Variants in MGAT5 observed in about 807,000 individuals in gnomAD.
MGAT5 encodes alpha-1,6-mannosylglycoprotein 6-beta-N-acetylglucosaminyltransferase, also known as alpha-1,6-mannosylglycoprotein 6-beta-N-acetylglucosaminyltransferase A.
In MGAT5, 30 loss-of-function variants were observed where a neutral mutation model predicts 94.3. The observed-to-expected ratio is 0.32, with a 90% CI of 0.24 to 0.43. The LOEUF (loss-of-function observed/expected upper bound fraction) is 0.43. Among genes scored for constraint, MGAT5 ranks in the 20% least tolerant of loss-of-function variants. The pLI is 1.00. For missense variants in MGAT5, 691 were observed against 905.5 expected (o/e 0.76, Z 3.04); for synonymous variants, 310 against 322.9 (o/e 0.96, Z 0.43).
intron 1 of MGAT5, among the ~76,000 whole-genome samples, chr2:134,219,270 C>T (rs1191405342): frequency 6.6e-6 from 1 of 152,054 alleles, no homozygotes; most frequent in African/African-American, 2.4e-5. Flanking sequence ...AGGTGGGCAA[C>T]AAGGCTTGTG....
intron 9 of MGAT5, among the ~76,000 whole-genome samples, chr2:134,361,461 T>G (rs1680095241): frequency 6.6e-6 from 1 of 152,238 alleles, no homozygotes; most frequent in African/African-American, 2.4e-5. Flanking sequence ...ATTTTCTGAT[T>G]GTCACTTGCT....
At chr2:134,405,345 GAGTAGAGTAT>G (rs777233881) in intron 11 of MGAT5, among the ~76,000 whole-genome samples, 12 of 152,188 alleles carry the variant, frequency 7.9e-5, no homozygotes, top group Non-Finnish European at 1.8e-4. Context: ...CCTGCTCCTT[GAGTAGAGTAT>G]ATTAAAATAC....
intron 12 of MGAT5, among the ~76,000 whole-genome samples, chr2:134,415,195 C>CT (rs1367507990): frequency 6.6e-6 from 1 of 152,150 alleles, no homozygotes; most frequent in African/African-American, 2.4e-5. Flanking sequence ...CCTCCATTTT[C>CT]TTTTTCATTT....
chr2:134,331,841 A>G (rs1367252861), intron 4 of MGAT5, among the ~76,000 whole-genome samples: 1 of 152,130 alleles, frequency 6.6e-6, no homozygotes, highest in Non-Finnish European at 1.5e-5. Context: ...GGTGGTGGGT[A>G]GGATTCCAAC....
intron 1 of MGAT5, among the ~76,000 whole-genome samples, chr2:134,235,452 G>A (rs1681590140): frequency 6.6e-6 from 1 of 152,110 alleles, no homozygotes; most frequent in African/African-American, 2.4e-5. Context: ...TGAGAAACGA[G>A]TACCTCAGCT....
chr2:134,266,799 A>G (rs957641214), intron 1 of MGAT5, among the ~76,000 whole-genome samples: 2 of 152,184 alleles, frequency 1.3e-5, no homozygotes, highest in African/African-American at 4.8e-5. Flanking sequence ...GCTGCTTTGA[A>G]ATGGTGACTC....
intron 1 of MGAT5, among the ~76,000 whole-genome samples, chr2:134,229,210 A>C (rs748981697): frequency 4.6e-5 from 7 of 152,256 alleles, no homozygotes; most frequent in Non-Finnish European, 7.3e-5. Context: ...AATCTAATGC[A>C]ACCTTCTAGG....
intron 2 of MGAT5, among the ~76,000 whole-genome samples, chr2:134,313,122 C>T (rs1286984729): frequency 6.6e-6 from 1 of 151,256 alleles, no homozygotes. Flanking sequence ...TTCTTTGTCC[C>T]TTTCGCTTCT....
intron 1 of MGAT5, among the ~76,000 whole-genome samples, chr2:134,121,220 G>A (rs1685570948): frequency 6.6e-6 from 1 of 152,228 alleles, no homozygotes; most frequent in African/African-American, 2.4e-5. Context: ...GATTGGGGGC[G>A]TGGGTGTTAG....
chr2:134,356,292 C>A lies in MGAT5; in HGVS notation c.1247-5983C>A, dbSNP rs1391913125. 1.2e-3 allele frequency among the ~76,000 whole-genome samples: 180 copies of A among 152,216 alleles called. 1 individual carries two copies. The highest frequency in any genetic ancestry group is 3.4e-4 in the Non-Finnish European group (23 of 68,010). ...AGGTGTTTAGAACTTTCCCATTTCA[C>A]CTTCCACTTCTTTGATTTTTTTTTT... On this transcript the variant is annotated intron_variant, in intron 9 of 15. Coordinates refer to ENST00000281923, the MANE Select transcript of MGAT5 (RefSeq NM_002410.5).
chr2:134,158,157 C>G (rs766139955), intron 1 of MGAT5, among the ~76,000 whole-genome samples: 1 of 152,242 alleles, frequency 6.6e-6, no homozygotes, highest in Non-Finnish European at 1.5e-5. Flanking sequence ...GCCTGGCCCC[C>G]AGGCCTCAGG....
chr2:134,146,435 CTA>C (rs1686923693), intron 1 of MGAT5, among the ~76,000 whole-genome samples: 1 of 151,880 alleles, frequency 6.6e-6, no homozygotes, highest in African/African-American at 2.4e-5. Context: ...TGTCATGAGC[CTA>C]TAGTGCTAGT....
chr2:134,416,825 C>T (rs1261653261), intron 12 of MGAT5, among the ~76,000 whole-genome samples: 1 of 149,524 alleles, frequency 6.7e-6, no homozygotes, highest in African/African-American at 2.5e-5. Context: ...GGCTGGTCTC[C>T]AACTCCTGGG....
intron 2 of MGAT5, among the ~76,000 whole-genome samples, chr2:134,312,178 A>G (rs1686715790): frequency 6.6e-6 from 1 of 152,206 alleles, no homozygotes; most frequent in South Asian, 2.1e-4. Context: ...TGAACCTGGG[A>G]GGCTGAGGTT....
At chr2:134,149,146 C>G (rs1434803024) in intron 1 of MGAT5, among the ~76,000 whole-genome samples, 1 of 152,062 alleles carries the variant, frequency 6.6e-6, no homozygotes, top group Non-Finnish European at 1.5e-5. Context: ...TCCTATTTCC[C>G]TCTTTTAAGA....
At chr2:134,202,027 A>G (rs779367902) in intron 1 of MGAT5, among the ~76,000 whole-genome samples, 8 of 151,942 alleles carry the variant, frequency 5.3e-5, no homozygotes, top group Non-Finnish European at 1.0e-4. Context: ...TCATTATATT[A>G]TTATTGAATA....
chr2:134,397,254 T>G (rs1682765496), intron 10 of MGAT5, among the ~76,000 whole-genome samples: 1 of 152,184 alleles, frequency 6.6e-6, no homozygotes, highest in South Asian at 2.1e-4. Context: ...GCCCACAGCC[T>G]CTAGGAAGCA....
chr2:134,321,108 T>C (rs552053068), intron 4 of MGAT5, among the ~76,000 whole-genome samples: 2 of 152,296 alleles, frequency 1.3e-5, no homozygotes, highest in South Asian at 4.1e-4. Context: ...TTGGGTGGCT[T>C]GTGGCCTGCC....
intron 1 of MGAT5, among the ~76,000 whole-genome samples, chr2:134,222,428 A>T (rs983192584): frequency 3.0e-4 from 44 of 146,272 alleles, no homozygotes; most frequent in African/African-American, 9.5e-4. Context: ...GGTTATTTGA[A>T]TTCTATGATA....
Sources: allele counts gnomAD v4.1 joint callset (sites outside exome capture counted in the v4.1 genomes callset), GRCh38; gene constraint gnomAD v4.1.1; transcripts MANE v1.5; gene names NCBI Gene and HGNC (gene_info 2026-07-23, HGNC 2026-07-21).